The following CNGB3 variants were observed in gnomAD, a reference collection of about 807,000 sequenced individuals.
CNGB3 encodes the protein cyclic nucleotide-gated channel beta-3.
Under a neutral mutation model 92.8 loss-of-function variants are expected in CNGB3, and 86 were observed. That is an observed-to-expected ratio of 0.93 (90% CI 0.78 to 1.11). The LOEUF is 1.11. Ranked by LOEUF, CNGB3 falls within the 50% of genes least tolerant of loss-of-function variation. CNGB3 has a pLI of 0.00. For synonymous variants in CNGB3, 333 were observed against 332.7 expected, an observed-to-expected ratio of 1.00 and a Z score of -0.01; for missense variants, 1,026 against 956.8, an observed-to-expected ratio of 1.07 and a Z score of -0.95.
chr8:86,657,680 G>A, intron 6 of CNGB3: 1 of 445,028 alleles, frequency 2.2e-6, no homozygotes, highest in Middle Eastern at 6.8e-4. Context: ...CAGCTGCCAG[G>A]AATTTGCCAT....
intron 3 of CNGB3, among the ~76,000 whole-genome samples, chr8:86,694,351 G>A (rs1276659061): frequency 5.4e-5 from 8 of 147,470 alleles, no homozygotes; most frequent in Admixed American, 2.7e-4. Context: ...CGGGCGGGGG[G>A]CTGACCCCCC....
intron 2 of CNGB3, among the ~76,000 whole-genome samples, chr8:86,737,605 G>A (rs75284269): frequency 0.017 from 2,553 of 151,776 alleles, 36 homozygotes; most frequent in East Asian, 0.031. Flanking sequence ...AAACCTTTTA[G>A]GTTCAGGAGT....
At chr8:86,710,666 A>G (rs1438554203) in intron 3 of CNGB3, among the ~76,000 whole-genome samples, 1 of 152,194 alleles carries the variant, frequency 6.6e-6, no homozygotes, top group Non-Finnish European at 1.5e-5. Flanking sequence ...AAAACATTCT[A>G]TTACCACGGA....
chr8:86,654,917 A>G (rs1158475557), intron 6 of CNGB3, among the ~76,000 whole-genome samples: 1 of 152,048 alleles, frequency 6.6e-6, no homozygotes, highest in Non-Finnish European at 1.5e-5. Flanking sequence ...ATGCTACCAA[A>G]TCTCTACTTC....
intron 6 of CNGB3, chr8:86,661,657 A>G (rs543150906): frequency 1.4e-4 from 126 of 869,200 alleles, no homozygotes; most frequent in Admixed American, 7.3e-4. Context: ...AGTATTTTAT[A>G]TCTCCAGCCA....
At chr8:86,739,205 A>G (rs1825297066) in intron 2 of CNGB3, among the ~76,000 whole-genome samples, 1 of 152,142 alleles carries the variant, frequency 6.6e-6, no homozygotes, top group South Asian at 2.1e-4. Flanking sequence ...TGAGCCTTAT[A>G]ATGGAGAGAG....
chr8:86,687,379 G>A (rs539830231), intron 3 of CNGB3, among the ~76,000 whole-genome samples: 42 of 152,102 alleles, frequency 2.8e-4, no homozygotes, highest in African/African-American at 9.9e-4. Context: ...ACTGGCACAT[G>A]CTATAATATG....
chr8:86,659,508 A>T, intron 6 of CNGB3: 1 of 608,690 alleles, frequency 1.6e-6, no homozygotes, highest in South Asian at 1.7e-5. Context: ...TCAGATCCTC[A>T]TATAACTCCA....
chr8:86,596,868 C>T lies in CNGB3; in HGVS notation c.1781+7225G>A, dbSNP rs555641680. 2.6e-5 allele frequency among the ~76,000 whole-genome samples: 4 copies of T among 152,276 alleles called. No individual in the cohort carries two copies. The East Asian group carries it at 7.7e-4, about 29-fold the overall frequency. On this transcript the variant is annotated intron_variant, in intron 15 of 17. Transcript: ENST00000320005. ...GCCATAAAAAAGGATGAGTTCATGTCCTTTGCAGAGACATGGATGAAGCTG... is the reference window on the plus strand; with the variant it reads ...GCCATAAAAAAGGATGAGTTCATGTTCTTTGCAGAGACATGGATGAAGCTG...
chr8:86,582,387 C>T (rs1159105825), intron 15 of CNGB3, among the ~76,000 whole-genome samples: 1 of 108,380 alleles, frequency 9.2e-6, no homozygotes, highest in Non-Finnish European at 2.0e-5. Flanking sequence ...GAGGGAGACC[C>T]TATCTCAAAA....
At chr8:86,680,261 G>T (rs1824057470) in intron 3 of CNGB3, among the ~76,000 whole-genome samples, 1 of 152,188 alleles carries the variant, frequency 6.6e-6, no homozygotes, top group Admixed American at 6.5e-5. Flanking sequence ...CCACCAGTAA[G>T]CCAGAAAATT....
intron 14 of CNGB3, among the ~76,000 whole-genome samples, chr8:86,606,348 G>T (rs998703203): frequency 6.6e-6 from 1 of 151,812 alleles, no homozygotes; most frequent in Non-Finnish European, 1.5e-5. Flanking sequence ...ACAGGGTTTT[G>T]CCATGTTGTC....
At chr8:86,646,010 T>G (rs1823286962) in intron 8 of CNGB3, among the ~76,000 whole-genome samples, 1 of 151,154 alleles carries the variant, frequency 6.6e-6, no homozygotes, top group Non-Finnish European at 1.5e-5. Context: ...TCTCCTATAT[T>G]TAAACATCTA....
intron 13 of CNGB3, among the ~76,000 whole-genome samples, chr8:86,620,389 G>C (rs948598754): frequency 6.6e-6 from 1 of 152,138 alleles, no homozygotes; most frequent in East Asian, 1.9e-4. Flanking sequence ...TTGGCTTGCA[G>C]ATGGCTACCT....
At chr8:86,661,580 T>G (rs1823640904) in intron 6 of CNGB3, 2 of 752,958 alleles carry the variant, frequency 2.7e-6, no homozygotes. Flanking sequence ...ATTTTCTTTT[T>G]CAATTCCTTC....
intron 2 of CNGB3, among the ~76,000 whole-genome samples, chr8:86,732,262 G>A (rs1159259934): frequency 2.6e-5 from 4 of 152,138 alleles, no homozygotes; most frequent in Admixed American, 2.0e-4. Flanking sequence ...ATTACATGCA[G>A]GAATGGTTAC....
chr8:86,661,621 T>G, intron 6 of CNGB3: 2 of 819,168 alleles, frequency 2.4e-6, no homozygotes, highest in Non-Finnish European at 4.3e-6. Context: ...TAATAAGTTC[T>G]TCTTTCTTCA....
At chr8:86,703,423 C>A (rs56114150) in intron 3 of CNGB3, among the ~76,000 whole-genome samples, 2,585 of 152,238 alleles carry the variant, frequency 0.017, 35 homozygotes, top group Non-Finnish European at 0.026. Flanking sequence ...ACTGGGTGCA[C>A]ACAATATAAT....
At chr8:86,612,643 A>C (rs916545510) in intron 13 of CNGB3, among the ~76,000 whole-genome samples, 7 of 152,230 alleles carry the variant, frequency 4.6e-5, no homozygotes, top group African/African-American at 1.7e-4. Flanking sequence ...TATGAAATTT[A>C]GACTTCAGGG....
Sources: gnomAD v4.1 joint callset for allele counts (sites outside exome capture counted in the v4.1 genomes callset) on GRCh38, gnomAD v4.1.1 for gene constraint, MANE v1.5 for transcripts, NCBI Gene and HGNC (gene_info 2026-07-23, HGNC 2026-07-21) for gene names.